The following CCSER1 variants were observed in gnomAD, a reference collection of about 807,000 sequenced individuals.
CCSER1 encodes the protein serine-rich coiled-coil domain-containing protein 1.
In CCSER1, 41 loss-of-function variants were observed where a neutral mutation model predicts 82.0. That is an observed-to-expected ratio of 0.50 (90% CI 0.39 to 0.65). The LOEUF is 0.65. Among genes scored for constraint, CCSER1 ranks in the 30% least tolerant of loss-of-function variants. The pLI is 0.00. For synonymous variants in CCSER1, 414 were observed against 383.9 expected (o/e 1.08, Z -0.92); for missense variants, 1,119 against 1,064.2 (o/e 1.05, Z -0.72).
intron 8 of CCSER1, among the ~76,000 whole-genome samples, chr4:90,884,520 A>T (rs551689853): frequency 6.6e-6 from 1 of 152,166 alleles, no homozygotes; most frequent in Non-Finnish European, 1.5e-5. Context: ...AATTCTAGCT[A>T]GAGAAAGTGG....
intron 5 of CCSER1, among the ~76,000 whole-genome samples, chr4:90,534,444 TGTG>T (rs1775037341): frequency 1.5e-5 from 1 of 66,458 alleles, no homozygotes; most frequent in East Asian, 7.1e-4. Flanking sequence ...CAGCCTTTTG[TGTG>T]TGTGTGTGTG....
chr4:91,266,435 TA>T (rs1329691260), intron 10 of CCSER1, among the ~76,000 whole-genome samples: 1 of 152,010 alleles, frequency 6.6e-6, no homozygotes, highest in African/African-American at 2.4e-5. Flanking sequence ...GTATTTTTAG[TA>T]GAGACGGGGT....
chr4:90,490,509 A>G (rs1317441679), intron 5 of CCSER1, among the ~76,000 whole-genome samples: 2 of 152,154 alleles, frequency 1.3e-5, no homozygotes, highest in Non-Finnish European at 2.9e-5. Context: ...TTTGCTGTGC[A>G]GAAGCTCTTT....
At chr4:91,580,533 T>G (rs1291532177) in intron 10 of CCSER1, among the ~76,000 whole-genome samples, 2 of 151,718 alleles carry the variant, frequency 1.3e-5, no homozygotes, top group African/African-American at 2.4e-5. Flanking sequence ...CCAGACTCAT[T>G]GTAGAAACTC....
At chr4:91,256,637 C>G (rs966770159) in intron 10 of CCSER1, among the ~76,000 whole-genome samples, 1 of 152,018 alleles carries the variant, frequency 6.6e-6, no homozygotes, top group African/African-American at 2.4e-5. Flanking sequence ...AGAAAAGAAC[C>G]TGTGCTGAAA....
chr4:91,382,023 C>A (rs941680362), intron 10 of CCSER1, among the ~76,000 whole-genome samples: 4 of 152,154 alleles, frequency 2.6e-5, no homozygotes, highest in Non-Finnish European at 4.4e-5. Context: ...GAGGCCCATT[C>A]CAGATCCTGT....
At chr4:90,895,337 A>G (rs1307992363) in intron 8 of CCSER1, among the ~76,000 whole-genome samples, 3 of 151,954 alleles carry the variant, frequency 2.0e-5, no homozygotes, top group Non-Finnish European at 4.4e-5. Context: ...AGGTAGGCAT[A>G]TATTTTTATC....
intron 1 of CCSER1, among the ~76,000 whole-genome samples, chr4:90,275,109 T>C (rs184535075): frequency 6.6e-6 from 1 of 152,290 alleles, no homozygotes; most frequent in African/African-American, 2.4e-5. Context: ...AAGAAGTTTT[T>C]ATTTTCCCTG....
chr4:90,780,940 A>ACTATGCTTCCT, intron 7 of CCSER1: 1 of 356,858 alleles, frequency 2.8e-6, no homozygotes, highest in Non-Finnish European at 3.9e-6. Flanking sequence ...CAGGAAGCAT[A>ACTATGCTTCCT]GTAGCATGTG....
intron 5 of CCSER1, among the ~76,000 whole-genome samples, chr4:90,592,325 A>G (rs1782809640): frequency 6.6e-6 from 1 of 152,176 alleles, no homozygotes; most frequent in East Asian, 1.9e-4. Flanking sequence ...GTTGGATTAT[A>G]TTACAGACCT....
At chr4:90,337,409 T>G (rs1044098284) in intron 3 of CCSER1, among the ~76,000 whole-genome samples, 1 of 152,308 alleles carries the variant, frequency 6.6e-6, no homozygotes, top group East Asian at 1.9e-4. Context: ...TGAGAGCAGA[T>G]AGTAGTCAAA....
intron 10 of CCSER1, among the ~76,000 whole-genome samples, chr4:91,411,483 CATATATACATAT>C (rs1392065300): frequency 1.4e-5 from 1 of 69,248 alleles, no homozygotes; most frequent in Admixed American, 1.6e-4. Flanking sequence ...TAAATTTCTG[CATATATACATAT>C]ATATATATAT....
At chr4:91,565,176 G>C (rs958041745) in intron 10 of CCSER1, among the ~76,000 whole-genome samples, 1 of 151,178 alleles carries the variant, frequency 6.6e-6, no homozygotes, top group Non-Finnish European at 1.5e-5. Context: ...CCATTGCTTG[G>C]TTTTGTCAGC....
At chr4:90,493,125 T>G (rs2153606272) in intron 5 of CCSER1, among the ~76,000 whole-genome samples, 1 of 152,210 alleles carries the variant, frequency 6.6e-6, no homozygotes, top group South Asian at 2.1e-4. Context: ...ATGCACAAGC[T>G]TCAGTAGCCG....
chr4:90,485,538 CT>C (rs1182629740), intron 5 of CCSER1, among the ~76,000 whole-genome samples: 3 of 138,914 alleles, frequency 2.2e-5, no homozygotes, highest in Non-Finnish European at 4.7e-5. Flanking sequence ...CCCAATTTAA[CT>C]TTTATTTAAA....
chr4:90,400,819 G>A (rs1464647386), intron 4 of CCSER1, among the ~76,000 whole-genome samples: 1 of 152,092 alleles, frequency 6.6e-6, no homozygotes, highest in Non-Finnish European at 1.5e-5. Flanking sequence ...ATATTTGACA[G>A]CAAAAGTAAA....
At chr4:90,642,769 G>A (rs1184001337) in intron 6 of CCSER1, among the ~76,000 whole-genome samples, 3 of 152,066 alleles carry the variant, frequency 2.0e-5, no homozygotes, top group Non-Finnish European at 4.4e-5. Flanking sequence ...ATGGGAGGAT[G>A]GCTTGAGCCC....
At chr4:91,095,738 A>G (rs1458011297) in intron 10 of CCSER1, among the ~76,000 whole-genome samples, 1 of 152,056 alleles carries the variant, frequency 6.6e-6, no homozygotes, top group Non-Finnish European at 1.5e-5. Flanking sequence ...CTTCATTTAC[A>G]TTGGTGGCCT....
chr4:90,259,349 C>T (rs1723906224), intron 1 of CCSER1, among the ~76,000 whole-genome samples: 1 of 152,160 alleles, frequency 6.6e-6, no homozygotes, highest in East Asian at 1.9e-4. Flanking sequence ...ATTTGTTTAT[C>T]AGATCTAGGT....
Sources: allele counts gnomAD v4.1 joint callset (sites outside exome capture counted in the v4.1 genomes callset), GRCh38; gene constraint gnomAD v4.1.1; transcripts MANE v1.5; gene names NCBI Gene and HGNC (gene_info 2026-07-23, HGNC 2026-07-21).